Variants in RBFOX1 observed in about 807,000 individuals in gnomAD.
The protein encoded by RBFOX1 is RNA binding fox-1 homolog 1, also known as RNA binding protein fox-1 homolog 1.
Under a neutral mutation model 57.7 loss-of-function variants are expected in RBFOX1, and 8 were observed. The ratio of observed to expected loss-of-function variants is 0.14; its 90% CI spans 0.08 to 0.25. RBFOX1 has a LOEUF of 0.25. RBFOX1 is among the 10% of genes least tolerant of loss of function. The pLI is 1.00. For synonymous variants in RBFOX1, 326 were observed against 222.4 expected, an observed-to-expected ratio of 1.47 and a Z score of -4.15; for missense variants, 611 against 548.5, an observed-to-expected ratio of 1.11 and a Z score of -1.14.
intron 3 of RBFOX1, among the ~76,000 whole-genome samples, chr16:6,872,818 A>G (rs1299846105): frequency 1.3e-5 from 2 of 152,184 alleles, no homozygotes; most frequent in African/African-American, 2.4e-5. Context: ...AAATGGTTAA[A>G]TTCTGTTTGG....
intron 5 of RBFOX1, among the ~76,000 whole-genome samples, chr16:7,520,459 A>G (rs1429116191): frequency 6.6e-5 from 10 of 152,154 alleles, no homozygotes; most frequent in Admixed American, 2.6e-4. Flanking sequence ...GCAACCACCA[A>G]TCTGCCTTGG....
At chr16:5,336,287 C>T (rs993480512) in intron 1 of RBFOX1, among the ~76,000 whole-genome samples, 30 of 152,094 alleles carry the variant, frequency 2.0e-4, no homozygotes, top group Admixed American at 1.8e-3. Context: ...CTGGGCACTT[C>T]CTTTGCTTGT....
intron 3 of RBFOX1, among the ~76,000 whole-genome samples, chr16:6,873,349 A>T (rs1009726616): frequency 1.3e-5 from 2 of 152,182 alleles, no homozygotes; most frequent in African/African-American, 4.8e-5. Context: ...AAATCATTAG[A>T]GACATGATTA....
intron 2 of RBFOX1, among the ~76,000 whole-genome samples, chr16:5,479,979 G>C (rs2069468744): frequency 6.6e-6 from 1 of 152,114 alleles, no homozygotes; most frequent in Non-Finnish European, 1.5e-5. Flanking sequence ...GCCCACAGGA[G>C]GTCAAGAGCT....
At position 7,104,622 on chromosome 16, in the gene RBFOX1, C is replaced by T. The variant is rs572887006; in HGVS notation, c.27+52524C>T. On this transcript the variant is annotated intron_variant, in intron 4 of 15. Transcript: ENST00000550418. ...GGACCTCTTGCTGTGATATTGCTAACTCCTCAGCCTGGGTATTTACATCGG... is the reference window on the plus strand; with the variant it reads ...GGACCTCTTGCTGTGATATTGCTAATTCCTCAGCCTGGGTATTTACATCGG... 9.2e-5 allele frequency among the ~76,000 whole-genome samples: 14 copies of T among 152,272 alleles called. No individual in the cohort carries two copies. The East Asian group carries it at 2.3e-3, about 25-fold the overall frequency.
intron 4 of RBFOX1, among the ~76,000 whole-genome samples, chr16:7,199,318 GT>G (rs2087662670): frequency 8.1e-6 from 1 of 124,006 alleles, no homozygotes; most frequent in South Asian, 2.4e-4. Flanking sequence ...TCCACTGAGT[GT>G]TTAAAGGGTT....
chr16:7,319,828 C>A (rs1568191734), intron 4 of RBFOX1, among the ~76,000 whole-genome samples: 1 of 152,192 alleles, frequency 6.6e-6, no homozygotes, highest in Middle Eastern at 3.4e-3. Context: ...TGATGTAAGG[C>A]CTCTGAGTTC....
At chr16:7,313,699 T>A (rs1402795841) in intron 4 of RBFOX1, among the ~76,000 whole-genome samples, 1 of 71,242 alleles carries the variant, frequency 1.4e-5, no homozygotes, top group Non-Finnish European at 2.8e-5. Context: ...GATTATCACA[T>A]TTAATCCCCC....
At chr16:6,857,526 T>G (rs777039236) in intron 3 of RBFOX1, among the ~76,000 whole-genome samples, 1 of 152,168 alleles carries the variant, frequency 6.6e-6, no homozygotes, top group Admixed American at 6.5e-5. Flanking sequence ...AAAATTACTA[T>G]TTGGTCCTTT....
chr16:6,908,746 T>A (rs2070759260), intron 3 of RBFOX1, among the ~76,000 whole-genome samples: 1 of 152,196 alleles, frequency 6.6e-6, no homozygotes, highest in South Asian at 2.1e-4. Flanking sequence ...GTTCACCTCA[T>A]TGACTCACTG....
chr16:6,310,419 T>C lies in RBFOX1; in HGVS notation c.-126-6576T>C, dbSNP rs1177183068. Among the ~76,000 whole-genome samples, 3 of 152,354 alleles carry C rather than the reference T, an allele frequency of 2.0e-5. No individual in the cohort carries two copies. In the East Asian group the frequency reaches 5.8e-4, roughly 29 times the overall value. On this transcript the variant is annotated intron_variant, in intron 1 of 15. Transcript: ENST00000550418. ...GCACAGCACAGTAAAACTTTGTTTA[T>C]TAAAAGGATTGTTGTTGAAGAAGTA...
intron 14 of RBFOX1, among the ~76,000 whole-genome samples, chr16:7,701,136 T>G (rs1325028780): frequency 1.3e-5 from 2 of 150,604 alleles, no homozygotes; most frequent in African/African-American, 2.5e-5. Context: ...AAAGACAAGC[T>G]AAGGAAGTCA....
intron 10 of RBFOX1, among the ~76,000 whole-genome samples, chr16:7,621,129 G>A (rs1474333080): frequency 6.6e-6 from 1 of 152,114 alleles, no homozygotes. Flanking sequence ...CAAGGCCCTA[G>A]TAGTCTTATC....
chr16:6,838,786 G>C (rs1041114999), intron 3 of RBFOX1, among the ~76,000 whole-genome samples: 1 of 152,144 alleles, frequency 6.6e-6, no homozygotes, highest in African/African-American at 2.4e-5. Context: ...AAATGTACAT[G>C]CCTCAAAAGG....
intron 3 of RBFOX1, among the ~76,000 whole-genome samples, chr16:7,038,694 G>C (rs928891756): frequency 6.6e-6 from 1 of 152,270 alleles, no homozygotes; most frequent in South Asian, 2.1e-4. Context: ...GCAGAAAGCA[G>C]ATGTGGGAGG....
At chr16:5,293,518 T>A (rs1363600873) in intron 1 of RBFOX1, among the ~76,000 whole-genome samples, 2 of 152,184 alleles carry the variant, frequency 1.3e-5, no homozygotes, top group African/African-American at 4.8e-5. Context: ...ATACCAAGGC[T>A]CTCTCTCACT....
intron 1 of RBFOX1, among the ~76,000 whole-genome samples, chr16:6,094,929 G>A (rs765201780): frequency 6.6e-6 from 1 of 152,134 alleles, no homozygotes; most frequent in African/African-American, 2.4e-5. Context: ...GGATGGTGGT[G>A]CATGCCTGTA....
chr16:7,557,581 C>G (rs1043701008), intron 5 of RBFOX1, among the ~76,000 whole-genome samples: 5 of 123,462 alleles, frequency 4.0e-5, no homozygotes, highest in Non-Finnish European at 7.8e-5. Flanking sequence ...GACTGTACCA[C>G]TGCACTCCAG....
chr16:7,301,051 C>CT (rs35843121), intron 4 of RBFOX1, among the ~76,000 whole-genome samples: 106,234 of 151,944 alleles, frequency 0.7, 38,001 homozygotes, highest in East Asian at 0.84. Context: ...AGCTAGTGGC[C>CT]TTGATATGGC....
Sources: gnomAD v4.1 joint callset for allele counts (sites outside exome capture counted in the v4.1 genomes callset) on GRCh38, gnomAD v4.1.1 for gene constraint, MANE v1.5 for transcripts, NCBI Gene and HGNC (gene_info 2026-07-23, HGNC 2026-07-21) for gene names.